Variants in ACBD6 observed in about 807,000 individuals in gnomAD.
ACBD6 encodes the protein acyl-CoA binding domain containing 6.
A neutral mutation model predicts 37.2 loss-of-function variants in ACBD6; 28 were observed. The observed-to-expected ratio is 0.75, with a 90% CI of 0.56 to 1.03. The LOEUF (loss-of-function observed/expected upper bound fraction) is 1.03, where lower values mean the gene tolerates loss of function less well. Ranked by LOEUF, ACBD6 falls within the 50% of genes least tolerant of loss-of-function variation. The pLI is 0.00. For synonymous variants in ACBD6, 113 were observed against 126.8 expected, an observed-to-expected ratio of 0.89 and a Z score of 0.73; for missense variants, 340 against 337.4, an observed-to-expected ratio of 1.01 and a Z score of -0.06.
At chr1:180,376,582 T>A (rs6691333) in intron 6 of ACBD6, among the ~76,000 whole-genome samples, 145,438 of 152,292 alleles carry the variant, frequency 0.95, 69,513 homozygotes, top group African/African-American at 0.99. Context: ...AAGAGTATCT[T>A]TAGTATGTTA....
intron 6 of ACBD6, among the ~76,000 whole-genome samples, chr1:180,337,961 T>C (rs988221415): frequency 3.3e-5 from 5 of 152,254 alleles, no homozygotes; most frequent in East Asian, 1.9e-4. Context: ...AAGGACCTCT[T>C]CAAGGAGAAC....
intron 3 of ACBD6, among the ~76,000 whole-genome samples, chr1:180,442,590 T>C (rs1307482695): frequency 6.6e-6 from 1 of 152,228 alleles, no homozygotes; most frequent in Non-Finnish European, 1.5e-5. Flanking sequence ...TCTCCAATTA[T>C]ATGAATGCTA....
chr1:180,420,304 T>C (rs1648301669), intron 4 of ACBD6, among the ~76,000 whole-genome samples: 1 of 152,220 alleles, frequency 6.6e-6, no homozygotes, highest in Non-Finnish European at 1.5e-5. Context: ...CTGTCGTAAA[T>C]CCTGTGAAGT....
chr1:180,393,473 A>T (rs1015511519), intron 6 of ACBD6, among the ~76,000 whole-genome samples: 2 of 152,206 alleles, frequency 1.3e-5, no homozygotes, highest in African/African-American at 4.8e-5. Context: ...TAGTACCAAG[A>T]TCTGTGGCCA....
intron 5 of ACBD6, among the ~76,000 whole-genome samples, chr1:180,411,697 G>T (rs146030537): frequency 6.6e-6 from 1 of 152,016 alleles, no homozygotes; most frequent in South Asian, 2.1e-4. Flanking sequence ...ATGGAGTCTC[G>T]CTCTGTTGCC....
chr1:180,422,081 T>C lies in ACBD6; in HGVS notation c.467+8099A>G, dbSNP rs185910725. Among the ~76,000 whole-genome samples the C allele has an allele frequency of 1.2e-3, 179 of 152,332 alleles. 2 individuals are homozygous for C. The highest frequency in any genetic ancestry group is 0.01 in the Admixed American group (158 of 15,310). On this transcript the variant is annotated intron_variant, in intron 4 of 7. Transcript: ENST00000367595. ...AGAGTCTCTAAGTATGCCTTTCCTA[T>C]AGCAATACTACACCTACATAAAAGC...
At chr1:180,280,949 T>C (rs1649289146) in intron 9 of ACBD6, among the ~76,000 whole-genome samples, 1 of 152,216 alleles carries the variant, frequency 6.6e-6, no homozygotes, top group Non-Finnish European at 1.5e-5. Flanking sequence ...GCCTAACTTG[T>C]CTTCCATTCT....
At chr1:180,427,237 A>G (rs1648617876) in intron 4 of ACBD6, among the ~76,000 whole-genome samples, 2 of 152,212 alleles carry the variant, frequency 1.3e-5, no homozygotes, top group South Asian at 2.1e-4. Context: ...GATCTTTACA[A>G]ATGTAAAAAA....
At chr1:180,453,492 A>G (rs1649794513) in intron 3 of ACBD6, among the ~76,000 whole-genome samples, 1 of 152,228 alleles carries the variant, frequency 6.6e-6, no homozygotes, top group African/African-American at 2.4e-5. Context: ...GGTGGAAGAC[A>G]AGGATGCCCT....
At chr1:180,296,394 T>C (rs1290541268) in intron 7 of ACBD6, among the ~76,000 whole-genome samples, 27 of 151,116 alleles carry the variant, frequency 1.8e-4, no homozygotes, top group African/African-American at 6.6e-4. Context: ...AAGATAAAGA[T>C]AACTGATGAG....
intron 6 of ACBD6, chr1:180,326,592 T>A (rs973879259): frequency 6.6e-6 from 1 of 152,180 alleles, no homozygotes; most frequent in Non-Finnish European, 1.5e-5. Flanking sequence ...CCCCTTTACT[T>A]TTCCCTCTAC....
At chr1:180,270,868 G>A (rs1314698839) in exon 14 of ACBD6, 1 of 218,178 alleles carries the variant, frequency 4.6e-6, no homozygotes, top group South Asian at 7.1e-5. Context: ...ACACTGTTGG[G>A]TGTGCAAGCT....
chr1:180,365,537 A>C (rs749594620), intron 6 of ACBD6, among the ~76,000 whole-genome samples: 5 of 152,206 alleles, frequency 3.3e-5, no homozygotes, highest in Non-Finnish European at 7.3e-5. Flanking sequence ...TTTGAAATAC[A>C]AAAATCTAAG....
intron 4 of ACBD6, among the ~76,000 whole-genome samples, chr1:180,417,197 A>T (rs1212148043): frequency 6.6e-6 from 1 of 152,198 alleles, no homozygotes; most frequent in African/African-American, 2.4e-5. Context: ...CCAGCTCTTC[A>T]TCTTCTAGAT....
At chr1:180,414,846 T>C (rs758880615) in intron 4 of ACBD6, among the ~76,000 whole-genome samples, 8 of 152,178 alleles carry the variant, frequency 5.3e-5, no homozygotes, top group Non-Finnish European at 1.0e-4. Flanking sequence ...TTCGATCACT[T>C]ATTCTGTAAA....
At chr1:180,366,398 T>A (rs1164447088) in intron 6 of ACBD6, among the ~76,000 whole-genome samples, 3 of 152,206 alleles carry the variant, frequency 2.0e-5, no homozygotes, top group Admixed American at 1.3e-4. Context: ...CTAATTCTTT[T>A]GTTTTCAAGC....
chr1:180,434,850 C>T lies in ACBD6; in HGVS notation c.385-4588G>A. On this transcript the variant is annotated intron_variant, in intron 3 of 7. Transcript: ENST00000367595. ...ATCTTGGCAAATCTGCCAGGGATGT[C>T]TTCACCAAGGGTTATGGATTTGGCT... 5.3e-6 allele frequency: 4 copies of T among 748,052 alleles called. 1 individual carries two copies. The South Asian group carries it at 5.5e-5, about 10-fold the overall frequency. The allele number at this position is 748,052 out of a possible 1,614,324, so 46.3% of individuals were successfully genotyped here. A position where few individuals can be genotyped will look rare whatever the true frequency, so the allele number is the denominator to read the frequency against.
At chr1:180,420,798 G>C (rs1034183902) in intron 4 of ACBD6, among the ~76,000 whole-genome samples, 1 of 152,274 alleles carries the variant, frequency 6.6e-6, no homozygotes, top group South Asian at 2.1e-4. Flanking sequence ...AGGCACAGGG[G>C]TTAACAGTTT....
At chr1:180,452,398 G>A (rs1363426533) in intron 3 of ACBD6, among the ~76,000 whole-genome samples, 2 of 151,926 alleles carry the variant, frequency 1.3e-5, no homozygotes, top group Non-Finnish European at 1.5e-5. Context: ...TGAAACCTAG[G>A]AGGCGAAGGT....
Sources: allele counts gnomAD v4.1 joint callset (sites outside exome capture counted in the v4.1 genomes callset), GRCh38; gene constraint gnomAD v4.1.1; transcripts MANE v1.5; gene names NCBI Gene and HGNC (gene_info 2026-07-23, HGNC 2026-07-21).